LRRC40: variants seen among roughly 807,000 people sequenced by gnomAD.
The protein encoded by LRRC40 is leucine-rich repeat-containing protein 40.
LRRC40 carries 76 observed loss-of-function variants against 72.8 expected under a neutral mutation model. The observed-to-expected ratio is 1.04, with a 90% CI of 0.87 to 1.26. The LOEUF (loss-of-function observed/expected upper bound fraction) is 1.26. LRRC40 is among the 50% of genes most tolerant of loss of function. The pLI is 0.00. For missense variants in LRRC40, 684 were observed against 698.9 expected, an observed-to-expected ratio of 0.98 and a Z score of 0.24; for synonymous variants, 243 against 254.2, an observed-to-expected ratio of 0.96 and a Z score of 0.42.
At chr1:70,156,724 A>G (rs1399943877) in intron 10 of LRRC40, among the ~76,000 whole-genome samples, 3 of 152,184 alleles carry the variant, frequency 2.0e-5, no homozygotes, top group Non-Finnish European at 4.4e-5. Context: ...CAGCATAGAT[A>G]TGCTGACAAA....
chr1:70,160,290 C>T (rs1358649774), intron 9 of LRRC40, among the ~76,000 whole-genome samples: 1 of 152,174 alleles, frequency 6.6e-6, no homozygotes, highest in Non-Finnish European at 1.5e-5. Flanking sequence ...GCCCAGTAGG[C>T]ATTCAATAAA....
At chr1:70,201,902 G>C (rs1330620578) in intron 1 of LRRC40, among the ~76,000 whole-genome samples, 1 of 152,084 alleles carries the variant, frequency 6.6e-6, no homozygotes, top group African/African-American at 2.4e-5. Flanking sequence ...GCTTGAACCT[G>C]GGAGGCAGAG....
intron 1 of LRRC40, among the ~76,000 whole-genome samples, chr1:70,200,981 G>A (rs567340305): frequency 6.6e-6 from 1 of 152,220 alleles, no homozygotes; most frequent in African/African-American, 2.4e-5. Flanking sequence ...AGACCAGCTT[G>A]GACAATACAG....
chr1:70,179,446 C>G (rs1267452911), intron 5 of LRRC40, among the ~76,000 whole-genome samples: 1 of 152,058 alleles, frequency 6.6e-6, no homozygotes, highest in Non-Finnish European at 1.5e-5. Context: ...ATGATCATGT[C>G]ATTGCACCCC....
intron 4 of LRRC40, among the ~76,000 whole-genome samples, chr1:70,183,918 A>G (rs1303394706): frequency 6.6e-6 from 1 of 152,156 alleles, no homozygotes. Context: ...TGCCATATGT[A>G]ATGCTCAAAG....
chr1:70,150,552 A>C (rs974196523), intron 13 of LRRC40, among the ~76,000 whole-genome samples: 1 of 152,236 alleles, frequency 6.6e-6, no homozygotes, highest in Non-Finnish European at 1.5e-5. Context: ...TGTTTGCAGA[A>C]CAAAATCTAA....
chr1:70,205,382 G>A lies in LRRC40; in HGVS notation c.151+8C>T. 6.3e-7 allele frequency: 1 copy of A among 1,575,372 alleles called. No homozygotes were observed. Among genetic ancestry groups the A allele is most frequent in the Non-Finnish European group, 8.7e-7 (1 of 1,150,862 alleles). ...GAGACACAATAGGGTCGTACCTCTGGGTCTTACCTTCACTGAGGTTTCTAC... is the reference window on the plus strand; with the variant it reads ...GAGACACAATAGGGTCGTACCTCTGAGTCTTACCTTCACTGAGGTTTCTAC... On this transcript the variant is annotated splice_region_variant and intron_variant, in intron 1 of 14. Coordinates refer to ENST00000370952, the MANE Select transcript of LRRC40 (RefSeq NM_017768.5).
chr1:70,197,827 C>T (rs58210789), intron 1 of LRRC40, among the ~76,000 whole-genome samples: 1 of 152,016 alleles, frequency 6.6e-6, no homozygotes, highest in Non-Finnish European at 1.5e-5. Flanking sequence ...TGCCTGTAAT[C>T]CCAGCACTTT....
intron 1 of LRRC40, among the ~76,000 whole-genome samples, chr1:70,195,187 T>C (rs992461633): frequency 1.3e-5 from 2 of 151,936 alleles, no homozygotes; most frequent in African/African-American, 4.8e-5. Flanking sequence ...AAGTTCATCA[T>C]AAAAGAAAAA....
At chr1:70,190,678 A>T (rs1016650010) in intron 1 of LRRC40, among the ~76,000 whole-genome samples, 6 of 52,834 alleles carry the variant, frequency 1.1e-4, no homozygotes, top group African/African-American at 3.3e-4. Context: ...CCCTGTCTCT[A>T]AAAAAAAAAA....
chr1:70,155,724 G>A lies in LRRC40; in HGVS notation c.1293C>T (p.Asn431=). The A allele has an allele frequency of 6.4e-7, 1 of 1,572,600 alleles. No individual in the cohort carries two copies. The highest frequency in any genetic ancestry group is 8.7e-7 in the Non-Finnish European group (1 of 1,152,660). The change falls in exon 11 of 15, where the codon AAC becomes AAT. Residue 431 remains asparagine (N), a synonymous_variant. Coordinates refer to ENST00000370952, the MANE Select transcript of LRRC40 (RefSeq NM_017768.5). ...TTTCACATAGTTGATTCTTACTGAA[G>A]TTAATAGAAGTGACGATGTTGCTTT... ...AVKSNIVTSI[N]FSKNQLCEIP... is the part of the protein sequence containing the mutation.
chr1:70,191,693 C>A (rs754184843), intron 1 of LRRC40, among the ~76,000 whole-genome samples: 21 of 152,054 alleles, frequency 1.4e-4, no homozygotes, highest in Non-Finnish European at 2.2e-4. Flanking sequence ...ATAAGAACCA[C>A]TAAAAAGCAT....
chr1:70,164,880 A>T (rs1235735833), intron 9 of LRRC40, among the ~76,000 whole-genome samples: 1 of 152,230 alleles, frequency 6.6e-6, no homozygotes, highest in Non-Finnish European at 1.5e-5. Context: ...TAGCCTATTG[A>T]TGTAGAACAG....
At chr1:70,205,297 AG>A in intron 1 of LRRC40, 92 bp downstream of exon 1, 3 of 1,242,492 alleles carry the variant, frequency 2.4e-6, no homozygotes, top group South Asian at 3.7e-5. Flanking sequence ...AGTCTGAGAA[AG>A]GGGGCCAAAG....
chr1:70,155,366 G>A (rs1283625789), intron 11 of LRRC40, among the ~76,000 whole-genome samples: 5 of 151,956 alleles, frequency 3.3e-5, no homozygotes, highest in African/African-American at 7.2e-5. Flanking sequence ...ATTTCATTAT[G>A]TGAGAGTATA....
At chr1:70,197,244 G>T (rs1668632142) in intron 1 of LRRC40, among the ~76,000 whole-genome samples, 1 of 151,466 alleles carries the variant, frequency 6.6e-6, no homozygotes, top group South Asian at 2.1e-4. Flanking sequence ...ATAGATACTG[G>T]GGGGCGGCGG....
At chr1:70,190,857 C>T (rs1290234568) in intron 1 of LRRC40, among the ~76,000 whole-genome samples, 1 of 151,676 alleles carries the variant, frequency 6.6e-6, no homozygotes, top group African/African-American at 2.4e-5. Flanking sequence ...AATATCAATC[C>T]ACCTGTGTTT....
At chr1:70,187,385 A>T (rs41287896) in intron 2 of LRRC40, 47 bp from the exon 3 acceptor site, 48,931 of 898,164 alleles carry the variant, frequency 0.054, 1,590 homozygotes, top group Non-Finnish European at 0.062. Flanking sequence ...TCTTATCATT[A>T]ACAATATATA....
At chr1:70,181,274 A>C in intron 4 of LRRC40, 65 bp from the exon 5 acceptor site, 1 of 1,049,366 alleles carries the variant, frequency 9.5e-7, no homozygotes. Flanking sequence ...TAATGCCCTA[A>C]AAAGGATTTC....
Sources: allele counts gnomAD v4.1 joint callset (sites outside exome capture counted in the v4.1 genomes callset), GRCh38; gene constraint gnomAD v4.1.1; transcripts MANE v1.5; gene names NCBI Gene and HGNC (gene_info 2026-07-23, HGNC 2026-07-21).